ZNF397: variants seen among roughly 807,000 people sequenced by gnomAD.
ZNF397 encodes the protein zinc finger and SCAN domain-containing protein 15.
In ZNF397, 38 loss-of-function variants were observed where a neutral mutation model predicts 50.6. That is an observed-to-expected ratio of 0.75 (90% CI 0.58 to 0.98). The LOEUF (loss-of-function observed/expected upper bound fraction) is 0.98. Among genes scored for constraint, ZNF397 ranks in the 50% least tolerant of loss-of-function variants. The probability of loss-of-function intolerance (pLI) is 0.00; values close to 1 mark genes in which losing one functional copy is unlikely to be tolerated. For synonymous variants in ZNF397, 228 were observed against 215.2 expected (o/e 1.06, Z -0.52); for missense variants, 624 against 624.1 (o/e 1.00, Z 0.00).
Position 35,246,089 on chromosome 18 carries a change from T to A in ZNF397, c.1384T>A (p.Phe462Ile). Residue 462 changes from phenylalanine (F) to isoleucine (I), a missense_variant, in exon 4 of 4, where the codon TTC (phenylalanine) becomes ATC (isoleucine). By Grantham distance (21) the Phe-to-Ile change is conservative. Coordinates refer to ENST00000330501, the MANE Select transcript of ZNF397 (RefSeq NM_001135178.3). ...PYECSECGKAFSLSSNLIRHQ... is the reference protein window; with the variant it reads ...PYECSECGKAISLSSNLIRHQ... ...TGAATGTAGTGAATGTGGAAAAGCTTTCAGTTTGAGCTCAAACCTTATCAG... is the reference window on the plus strand; with the variant it reads ...TGAATGTAGTGAATGTGGAAAAGCTATCAGTTTGAGCTCAAACCTTATCAG... 6.4e-7 allele frequency: 1 copy of A among 1,555,762 alleles called. No individual in the cohort carries two copies. The highest frequency in any genetic ancestry group is 8.7e-7 in the Non-Finnish European group (1 of 1,149,418).
Position 35,243,246 on chromosome 18 carries a change from T to TA in ZNF397, c.512dup (p.Thr172AspfsTer13), listed in dbSNP as rs1481976572. Reference sequence around the variant, plus strand: ...TCAACAGACATCCACCTCCAGCCCTTAAAGACACAGCTGAAATCCTGGAAA... The same window carrying TA: ...TCAACAGACATCCACCTCCAGCCCTTAAAAGACACAGCTGAAATCCTGGAAA... On this transcript the variant is annotated frameshift_variant, in exon 3 of 4. Coordinates refer to ENST00000330501, the MANE Select transcript of ZNF397 (RefSeq NM_001135178.3). LOFTEE classifies it high-confidence loss of function. The TA allele has an allele frequency of 6.2e-7, 1 of 1,614,206 alleles. No homozygotes were observed. Among genetic ancestry groups the TA allele is most frequent in the East Asian group, 2.2e-5 (1 of 44,882 alleles).
At chr18:35,250,348 T>G (rs1444730594), downstream of ZNF397, among the ~76,000 whole-genome samples, 2 of 152,066 alleles carry the variant, frequency 1.3e-5, no homozygotes, top group Non-Finnish European at 2.9e-5. Flanking sequence ...CAATATAGGG[T>G]GGATGTCAAA....
rs1396982943 is a variant in ZNF397, at chr18:35,245,950, T to C, written c.1245T>C (p.His415=). The stretch of plus-strand genomic sequence containing the variant: ...GCCAGAGCTCAAAACTCATTAGACA[T>C]CAGCGAATTCACACAGGAGAGAGAC... The part of the protein sequence containing the change: ...TFSQSSKLIR[H]QRIHTGERPY... The change falls in exon 4 of 4, where the codon CAT becomes CAC. Residue 415 remains histidine, a synonymous_variant. Transcript: ENST00000330501. 1 of 1,580,852 alleles carries C rather than the reference T, an allele frequency of 6.3e-7. No individual in the cohort carries two copies. The highest frequency in any genetic ancestry group is 2.3e-5 in the East Asian group (1 of 43,046).
intron 1 of ZNF397, chr18:35,241,355 A>G (rs1189636000): frequency 1.3e-5 from 2 of 151,238 alleles, no homozygotes; most frequent in East Asian, 1.9e-4. Flanking sequence ...ATAAAAATAG[A>G]AGGGCTAGTT....
Position 35,248,530 on chromosome 18 carries a change from C to T in ZNF397, c.*2220C>T, listed in dbSNP as rs909507085. On this transcript the variant is annotated 3_prime_UTR_variant, in exon 4 of 4. Transcript: ENST00000330501. ...ATACTCTTTATATAAGAAAGCTCTA[C>T]TGTATGTCAGAAAGCAATGTAATAG... 1 of 152,160 alleles carries T rather than the reference C, an allele frequency of 6.6e-6. No homozygotes were observed. Among genetic ancestry groups the T allele is most frequent in the African/African-American group, 2.4e-5 (1 of 41,426 alleles). The allele number at this position is 152,160 out of a possible 1,614,324, so 9.4% of individuals were successfully genotyped here.
chr18:35,247,103 C>A lies in ZNF397; in HGVS notation c.*793C>A. ...CCCAGTAAAGAACAGTAGCCAAAGG[C>A]CAGAAACAAAGTGTGGAGCATTCCT... On this transcript the variant is annotated 3_prime_UTR_variant, in exon 4 of 4. Transcript: ENST00000330501. 1.0e-6 allele frequency: 1 copy of A among 985,484 alleles called. No homozygotes were observed. Among genetic ancestry groups the A allele is most frequent in the Non-Finnish European group, 1.2e-6 (1 of 830,030 alleles). The allele number at this position is 985,484 out of a possible 1,614,324, so 61.0% of individuals were successfully genotyped here.
chr18:35,246,935 A>G lies in ZNF397; in HGVS notation c.*625A>G, dbSNP rs780750053. 76 of 908,746 alleles carry G rather than the reference A, an allele frequency of 8.4e-5. No individual in the cohort carries two copies. The highest frequency in any genetic ancestry group is 9.9e-5 in the Non-Finnish European group (75 of 760,158). The allele number at this position is 908,746 out of a possible 1,614,324, so 56.3% of individuals were successfully genotyped here. A position where few individuals can be genotyped will look rare whatever the true frequency, so the allele number is the denominator to read the frequency against. ...CTGTAGTCTCTACAGTCTAATGGGC[A>G]AGGCAGCCAGACAGGCAGTGAAAGT... On this transcript the variant is annotated 3_prime_UTR_variant, in exon 4 of 4. Coordinates refer to ENST00000330501, the MANE Select transcript of ZNF397 (RefSeq NM_001135178.3).
rs114386790 is a variant in ZNF397, at chr18:35,242,458, G to T, written c.-13G>T. ...GTTGTACTGAGCTTTTTGCTAAGCT[G>T]TTTCAGCCAAGAATGGCTGTGGAAT... On this transcript the variant is annotated 5_prime_UTR_variant, in exon 2 of 4. Coordinates refer to ENST00000330501, the MANE Select transcript of ZNF397 (RefSeq NM_001135178.3). 1.2e-6 allele frequency: 2 copies of T among 1,605,078 alleles called. No homozygotes were observed. The highest frequency in any genetic ancestry group is 2.2e-5 in the East Asian group (1 of 44,808).
Position 35,249,102 on chromosome 18 carries a change from C to A in ZNF397, c.*2792C>A, listed in dbSNP as rs1419479695. 6.6e-6 allele frequency: 1 copy of A among 151,998 alleles called. No individual in the cohort carries two copies. The highest frequency in any genetic ancestry group is 1.5e-5 in the Non-Finnish European group (1 of 67,992). 9.4% of individuals were successfully genotyped at this position (151,998 alleles called of 1,614,324 possible). A position where few individuals can be genotyped will look rare whatever the true frequency, so the allele number is the denominator to read the frequency against. ...AAATCACAAAATAAGTGCCAATGAA[C>A]AATAAATGTTCAACCTCACTACAGT... is the stretch of plus-strand genomic sequence containing the variant. On this transcript the variant is annotated 3_prime_UTR_variant, in exon 4 of 4. Coordinates refer to ENST00000330501, the MANE Select transcript of ZNF397 (RefSeq NM_001135178.3).
chr18:35,254,402 T>G (rs1569061218), downstream of ZNF397: 1 of 1,613,970 alleles, frequency 6.2e-7, no homozygotes, highest in Non-Finnish European at 8.5e-7. Context: ...GAATAGAAAG[T>G]GTAAGTATCA....
rs1912653466 is a variant in ZNF397, at chr18:35,243,213, C to G, written c.476C>G (p.Ser159Cys). 1.2e-6 allele frequency: 2 copies of G among 1,614,076 alleles called. No individual in the cohort carries two copies. The highest frequency in any genetic ancestry group is 1.7e-5 in the Admixed American group (1 of 60,008). Reference protein sequence around the residue: ...PWKDLTCLRASQESTDIHLQP... With the variant: ...PWKDLTCLRACQESTDIHLQP... Reference sequence around the variant, plus strand: ...AAGGATTTAACATGTCTCAGAGCATCCCAAGAGTCAACAGACATCCACCTC... The same window carrying G: ...AAGGATTTAACATGTCTCAGAGCATGCCAAGAGTCAACAGACATCCACCTC... Residue 159 changes from serine to cysteine, a missense_variant, in exon 3 of 4, where the codon TCC (serine) becomes TGC (cysteine). Physicochemically the swap from Ser to Cys is moderately radical, Grantham distance 112. Transcript: ENST00000330501.
Position 35,246,203 on chromosome 18 carries a change from CAG to C in ZNF397, c.1502_1503del (p.Arg501AsnfsTer6). On this transcript the variant is annotated frameshift_variant, in exon 4 of 4. Transcript: ENST00000330501. LOFTEE classifies it high-confidence loss of function. ...FKRSSALVQHQRIHSGDEAYI... is the reference protein window; with the variant it reads ...FKRSSALVQHXRIHSGDEAYI... ...AAGGAGCTCAGCCCTTGTTCAGCATCAGAGAATTCATTCTGGGGATGAAGCTT... is the reference window on the plus strand; with the variant it reads ...AAGGAGCTCAGCCCTTGTTCAGCATCAGAATTCATTCTGGGGATGAAGCTT... 6.4e-7 allele frequency: 1 copy of C among 1,552,046 alleles called. No homozygotes were observed. The highest frequency in any genetic ancestry group is 8.7e-7 in the Non-Finnish European group (1 of 1,147,074).
rs766145438 is a variant in ZNF397, at chr18:35,245,334, C to T, written c.629C>T (p.Pro210Leu). Residue 210 changes from proline to leucine, a missense_variant, in exon 4 of 4, where the codon CCT becomes CTT. Coordinates refer to ENST00000330501, the MANE Select transcript of ZNF397 (RefSeq NM_001135178.3). Reference protein sequence around the residue: ...EEKSQGLPQEPSFRGISEHES... With the variant: ...EEKSQGLPQELSFRGISEHES... ...AAATCACAGGGACTCCCTCAGGAAC[C>T]TTCATTTCGAGGAATTAGTGAGCAT... 1 of 1,613,148 alleles carries T rather than the reference C, an allele frequency of 6.2e-7. No individual in the cohort carries two copies. The highest frequency in any genetic ancestry group is 2.2e-5 in the East Asian group (1 of 44,852).
chr18:35,246,634 C>G lies in ZNF397; in HGVS notation c.*324C>G, dbSNP rs1157861185. 1 of 1,061,106 alleles carries G rather than the reference C, an allele frequency of 9.4e-7. No homozygotes were observed. The highest frequency in any genetic ancestry group is 1.1e-6 in the Non-Finnish European group (1 of 877,762). 65.7% of individuals were successfully genotyped at this position (1,061,106 alleles called of 1,614,324 possible). ...ATGAATATAGCAACCCAGGCTCTGT[C>G]ACTGCATCTGATTGTTAGTGTGCCA... On this transcript the variant is annotated 3_prime_UTR_variant, in exon 4 of 4. Coordinates refer to ENST00000330501, the MANE Select transcript of ZNF397 (RefSeq NM_001135178.3).
chr18:35,253,725 T>TA (rs745331364), downstream of ZNF397: 1 of 1,613,878 alleles, frequency 6.2e-7, no homozygotes, highest in East Asian at 2.2e-5. Context: ...TGAATTTTCT[T>TA]ATGCTGAATA....
downstream of ZNF397, chr18:35,258,801 T>TG (rs2043930821): frequency 7.5e-6 from 1 of 133,412 alleles, no homozygotes; most frequent in African/African-American, 2.9e-5. Context: ...ACCCAGGAGT[T>TG]GGAGGTTGTA....
At position 35,242,734 on chromosome 18, in the gene ZNF397, G is replaced by A; in HGVS notation, c.264G>A (p.Gln88=). The A allele has an allele frequency of 2.5e-6, 4 of 1,614,230 alleles. No homozygotes were observed. Among genetic ancestry groups the A allele is most frequent in the Non-Finnish European group, 3.4e-6 (4 of 1,180,036 alleles). Residue 88 remains glutamine (Q), a synonymous_variant, in exon 2 of 4, where the codon CAG becomes CAA. Coordinates refer to ENST00000330501, the MANE Select transcript of ZNF397 (RefSeq NM_001135178.3). ...TGCCAGAGTTGCACACAAAGGAGCA[G>A]ATCTTAGAACTGCTGGTACTGGAGC... ...WLMPELHTKE[Q]ILELLVLEQF...
At position 35,246,905 on chromosome 18, in the gene ZNF397, C is replaced by G. The variant is rs939414753; in HGVS notation, c.*595C>G. On this transcript the variant is annotated 3_prime_UTR_variant, in exon 4 of 4. Coordinates refer to ENST00000330501, the MANE Select transcript of ZNF397 (RefSeq NM_001135178.3). Reference sequence around the variant, plus strand: ...CAGGAACTAGGAATACAGTGGAAAACAAGACTGTAGTCTCTACAGTCTAAT... The same window carrying G: ...CAGGAACTAGGAATACAGTGGAAAAGAAGACTGTAGTCTCTACAGTCTAAT... 1.0e-5 allele frequency: 10 copies of G among 961,620 alleles called. No individual in the cohort carries two copies. The highest frequency in any genetic ancestry group is 1.2e-5 in the Non-Finnish European group (10 of 808,396). The allele number at this position is 961,620 out of a possible 1,614,324, so 59.6% of individuals were successfully genotyped here.
At chr18:35,245,148 A>C (rs1292154299) in intron 3 of ZNF397, 114 bp from the exon 4 acceptor site, 3 of 1,355,224 alleles carry the variant, frequency 2.2e-6, no homozygotes, top group Admixed American at 3.1e-5. Context: ...AAAAAAAGAT[A>C]CTGGAGGACA....
Sources: allele counts gnomAD v4.1 joint callset (sites outside exome capture counted in the v4.1 genomes callset), GRCh38; gene constraint gnomAD v4.1.1; transcripts MANE v1.5; gene names NCBI Gene and HGNC (gene_info 2026-07-23, HGNC 2026-07-21).